The following HAPLN1 variants were observed in gnomAD, a reference collection of about 807,000 sequenced individuals.
HAPLN1 encodes Cartilage link protein.
In HAPLN1, 13 loss-of-function variants were observed where a neutral mutation model predicts 36.5. The ratio of observed to expected loss-of-function variants is 0.36; its 90% confidence interval spans 0.23 to 0.57. The LOEUF is 0.57. Ranked by LOEUF, HAPLN1 falls within the 20% of genes least tolerant of loss-of-function variation. The pLI is 0.83. For missense variants in HAPLN1, 407 were observed against 439.7 expected (o/e 0.93, Z 0.66); for synonymous variants, 202 against 169.8 (o/e 1.19, Z -1.48).
At chr5:83,699,623 C>T (rs763368606) in intron 1 of HAPLN1, among the ~76,000 whole-genome samples, 4 of 152,154 alleles carry the variant, frequency 2.6e-5, no homozygotes, top group Admixed American at 1.3e-4. Flanking sequence ...AAAGGTTTTA[C>T]CACCCATTCA....
intron 1 of HAPLN1, among the ~76,000 whole-genome samples, chr5:83,720,400 C>T (rs1751993787): frequency 6.6e-6 from 1 of 152,154 alleles, no homozygotes; most frequent in Non-Finnish European, 1.5e-5. Flanking sequence ...CTGGACATTC[C>T]CATTCCTCAC....
intron 2 of HAPLN1, among the ~76,000 whole-genome samples, chr5:83,661,600 C>T (rs956555951): frequency 6.6e-6 from 1 of 151,676 alleles, no homozygotes; most frequent in African/African-American, 2.4e-5. Flanking sequence ...GTCTGCCACC[C>T]CGCCCGGCTA....
At chr5:83,680,228 T>A (rs1161569376) in intron 1 of HAPLN1, among the ~76,000 whole-genome samples, 1 of 152,162 alleles carries the variant, frequency 6.6e-6, no homozygotes, top group Non-Finnish European at 1.5e-5. Context: ...GCTTTTTAAG[T>A]GGATTCTGCA....
At chr5:83,700,490 AAGG>A (rs1417370144) in intron 1 of HAPLN1, among the ~76,000 whole-genome samples, 5 of 152,152 alleles carry the variant, frequency 3.3e-5, no homozygotes, top group African/African-American at 1.2e-4. Context: ...TGGTGCAGGC[AAGG>A]AGGAATAGAG....
intron 1 of HAPLN1, among the ~76,000 whole-genome samples, chr5:83,712,800 G>A (rs1020182804): frequency 6.6e-6 from 1 of 150,644 alleles, no homozygotes; most frequent in African/African-American, 2.4e-5. Flanking sequence ...AAATATTGGG[G>A]TAATACTTAA....
Position 83,641,420 on chromosome 5 carries a change from G to T in HAPLN1, c.*76C>A, listed in dbSNP as rs1247833618. 1.5e-6 allele frequency: 2 copies of T among 1,358,370 alleles called. No homozygotes were observed. Among genetic ancestry groups the T allele is most frequent in the Non-Finnish European group, 2.0e-6 (2 of 1,001,094 alleles). 84.1% of individuals were successfully genotyped at this position (1,358,370 alleles called of 1,614,324 possible). The stretch of plus-strand genomic sequence containing the variant: ...TTATCACAGTTTTGGTAACTTGCAT[G>T]AGTTCATATTGGAAAAAAAAAACAC... On this transcript the variant is annotated 3_prime_UTR_variant, in exon 5 of 5. Transcript: ENST00000274341.
chr5:83,664,632 C>T (rs1750504655), intron 2 of HAPLN1, among the ~76,000 whole-genome samples: 2 of 152,152 alleles, frequency 1.3e-5, no homozygotes, highest in African/African-American at 4.8e-5. Context: ...ATCTGCTCCC[C>T]TCGGCCTCCC....
At chr5:83,643,349 G>C (rs1213765621) in intron 4 of HAPLN1, among the ~76,000 whole-genome samples, 1 of 78,652 alleles carries the variant, frequency 1.3e-5, no homozygotes, top group Non-Finnish European at 2.5e-5. Context: ...GTGATACCCT[G>C]TCTTAAAAAA....
chr5:83,719,435 T>C (rs1173484482), intron 1 of HAPLN1, among the ~76,000 whole-genome samples: 2 of 152,206 alleles, frequency 1.3e-5, no homozygotes, highest in Non-Finnish European at 2.9e-5. Context: ...GAAGAGGTCA[T>C]CAACAAAAGT....
intron 1 of HAPLN1, among the ~76,000 whole-genome samples, chr5:83,698,548 G>T (rs1751442316): frequency 6.6e-6 from 1 of 152,008 alleles, no homozygotes; most frequent in Admixed American, 6.6e-5. Flanking sequence ...GAATTCTTCT[G>T]CCATTATTAT....
At position 83,637,960 on chromosome 5, in the gene HAPLN1, A is replaced by T. The variant is rs1400530216; in HGVS notation, c.*3536T>A. 6.6e-6 allele frequency: 1 copy of T among 151,916 alleles called. No individual in the cohort carries two copies. 9.4% of individuals were successfully genotyped at this position (151,916 alleles called of 1,614,324 possible). ...TTTGAGTCATATACAAAGAGAAAAA[A>T]GTCAATATATTTTGGGATAATACTA... is the stretch of plus-strand genomic sequence containing the variant. On this transcript the variant is annotated 3_prime_UTR_variant, in exon 5 of 5. Coordinates refer to ENST00000274341, the MANE Select transcript of HAPLN1 (RefSeq NM_001884.4).
intron 1 of HAPLN1, among the ~76,000 whole-genome samples, chr5:83,690,719 AT>A (rs1357804844): frequency 6.6e-6 from 1 of 152,028 alleles, no homozygotes; most frequent in Admixed American, 6.6e-5. Flanking sequence ...AGGGAAAAAA[AT>A]ATCTGACATA....
intron 2 of HAPLN1, among the ~76,000 whole-genome samples, chr5:83,654,455 A>G (rs947251494): frequency 6.6e-6 from 1 of 152,232 alleles, no homozygotes; most frequent in African/African-American, 2.4e-5. Flanking sequence ...GTTTTTCCTT[A>G]CAATGTCCAC....
At position 83,652,713 on chromosome 5, in the gene HAPLN1, C is replaced by T; in HGVS notation, c.212G>A (p.Gly71Asp). 2 of 1,614,064 alleles carry T rather than the reference C, an allele frequency of 1.2e-6. No individual in the cohort carries two copies. Among genetic ancestry groups the T allele is most frequent in the Non-Finnish European group, 1.7e-6 (2 of 1,179,996 alleles). ...AATTCGGATTTTATGGATTCCTGAGCCAAATGCTGTAGGGTCTCGATAAAA... is the reference window on the plus strand; with the variant it reads ...AATTCGGATTTTATGGATTCCTGAGTCAAATGCTGTAGGGTCTCGATAAAA... ...CKFYRDPTAF[G>D]SGIHKIRIKW... The change falls in exon 3 of 5, where the codon GGC becomes GAC. Residue 71 changes from glycine to aspartate, a missense_variant. Gly to Asp is a moderately conservative substitution (Grantham distance 94). Transcript: ENST00000274341.
chr5:83,706,221 C>G (rs1366069518), intron 1 of HAPLN1, among the ~76,000 whole-genome samples: 1 of 152,028 alleles, frequency 6.6e-6, no homozygotes, highest in Non-Finnish European at 1.5e-5. Context: ...TCCTCCCCAA[C>G]TCATTCTATG....
intron 2 of HAPLN1, among the ~76,000 whole-genome samples, chr5:83,665,606 T>A (rs2112587039): frequency 6.6e-6 from 1 of 152,320 alleles, no homozygotes; most frequent in African/African-American, 2.4e-5. Context: ...TTTTACCTAA[T>A]CTCCATACTT....
intron 2 of HAPLN1, among the ~76,000 whole-genome samples, chr5:83,669,228 C>T (rs112582954): frequency 0.011 from 1,630 of 152,186 alleles, 26 homozygotes; most frequent in African/African-American, 0.037. Context: ...GGAGGCTGGG[C>T]GTGGTGGCTC....
At chr5:83,708,261 C>G (rs548536405) in intron 1 of HAPLN1, among the ~76,000 whole-genome samples, 1 of 152,146 alleles carries the variant, frequency 6.6e-6, no homozygotes. Context: ...TACCTGCACA[C>G]GTATATTCAT....
chr5:83,670,831 A>G (rs903288793), intron 2 of HAPLN1, among the ~76,000 whole-genome samples: 1 of 151,870 alleles, frequency 6.6e-6, no homozygotes, highest in African/African-American at 2.4e-5. Flanking sequence ...AGTAGCTGGG[A>G]TTACAGGCAC....
Sources: gnomAD v4.1 joint callset for allele counts (sites outside exome capture counted in the v4.1 genomes callset) on GRCh38, gnomAD v4.1.1 for gene constraint, MANE v1.5 for transcripts, NCBI Gene and HGNC (gene_info 2026-07-23, HGNC 2026-07-21) for gene names.